TMEM132D: variants seen among roughly 807,000 people sequenced by gnomAD.
TMEM132D encodes mature OL transmembrane protein.
Under a neutral mutation model 62.3 loss-of-function variants are expected in TMEM132D, and 21 were observed. That is an observed-to-expected ratio of 0.34 (90% CI 0.24 to 0.49). The LOEUF is 0.49. TMEM132D is among the 20% of genes least tolerant of loss of function. The pLI is 0.99. For missense variants in TMEM132D, 1,346 were observed against 1,402.8 expected (o/e 0.96, Z 0.65); for synonymous variants, 621 against 575.6 (o/e 1.08, Z -1.13).
intron 1 of TMEM132D, among the ~76,000 whole-genome samples, chr12:129,743,607 G>A (rs1015299611): frequency 6.7e-6 from 1 of 148,682 alleles, no homozygotes; most frequent in Non-Finnish European, 1.5e-5. Context: ...ATGGACTAAT[G>A]CATCCCCCTA....
chr12:129,895,471 G>A (rs958847192), intron 1 of TMEM132D, among the ~76,000 whole-genome samples: 5 of 152,188 alleles, frequency 3.3e-5, no homozygotes, highest in African/African-American at 9.7e-5. Context: ...GTCTCCTGTG[G>A]TCAGTCCACA....
intron 5 of TMEM132D, among the ~76,000 whole-genome samples, chr12:129,086,196 G>A (rs943381209): frequency 8.9e-4 from 99 of 111,636 alleles, no homozygotes; most frequent in Non-Finnish European, 1.5e-3. Flanking sequence ...ATAGTCACGC[G>A]CGCGCGTGTG....
intron 5 of TMEM132D, among the ~76,000 whole-genome samples, chr12:129,099,469 C>T (rs1300506633): frequency 1.3e-5 from 2 of 152,216 alleles, no homozygotes; most frequent in African/African-American, 2.4e-5. Context: ...AAACCTCCCA[C>T]CTATGCTCCT....
At chr12:129,215,907 C>G (rs936438187) in intron 4 of TMEM132D, among the ~76,000 whole-genome samples, 4 of 152,164 alleles carry the variant, frequency 2.6e-5, no homozygotes, top group African/African-American at 9.7e-5. Context: ...ATCATCAGAT[C>G]TCCTGAGACT....
intron 3 of TMEM132D, among the ~76,000 whole-genome samples, chr12:129,428,375 G>A (rs555711649): frequency 4.6e-5 from 7 of 152,290 alleles, no homozygotes; most frequent in African/African-American, 1.7e-4. Context: ...AAACCATCAA[G>A]GCTGGAGTGT....
At chr12:129,406,784 C>A (rs1351009220) in intron 3 of TMEM132D, among the ~76,000 whole-genome samples, 1 of 152,160 alleles carries the variant, frequency 6.6e-6, no homozygotes, top group East Asian at 1.9e-4. Flanking sequence ...GGATGGCAGC[C>A]CTGCGCCTCC....
At chr12:129,702,150 C>T (rs1192647721) in intron 1 of TMEM132D, among the ~76,000 whole-genome samples, 1 of 152,118 alleles carries the variant, frequency 6.6e-6, no homozygotes, top group African/African-American at 2.4e-5. Context: ...ACAGAAAGCC[C>T]TGGATGAAAA....
At chr12:129,130,449 C>A (rs944020916) in intron 5 of TMEM132D, among the ~76,000 whole-genome samples, 2 of 152,200 alleles carry the variant, frequency 1.3e-5, no homozygotes, top group Non-Finnish European at 2.9e-5. Flanking sequence ...TGGAGGAACC[C>A]AAGCGCACTC....
chr12:129,676,906 C>A (rs921364749), intron 2 of TMEM132D, among the ~76,000 whole-genome samples: 2 of 152,186 alleles, frequency 1.3e-5, no homozygotes, highest in African/African-American at 4.8e-5. Flanking sequence ...TCCATCCACC[C>A]ATCTACCTAT....
At chr12:129,654,228 T>C (rs913868586) in intron 2 of TMEM132D, among the ~76,000 whole-genome samples, 3 of 152,126 alleles carry the variant, frequency 2.0e-5, no homozygotes, top group Admixed American at 6.6e-5. Flanking sequence ...CTCTCAGACA[T>C]GTTCCCATCA....
At chr12:129,185,773 G>GTCTATCTATCTATCTATCTA (rs1555235284) in intron 5 of TMEM132D, among the ~76,000 whole-genome samples, 75 of 136,018 alleles carry the variant, frequency 5.5e-4, no homozygotes, top group Middle Eastern at 3.6e-3. Flanking sequence ...CTGTCTGTCT[G>GTCTATCTATCTATCTATCTA]TCTATCTATC....
intron 5 of TMEM132D, among the ~76,000 whole-genome samples, chr12:129,128,755 C>T (rs1414706685): frequency 2.0e-5 from 3 of 152,072 alleles, no homozygotes; most frequent in African/African-American, 7.2e-5. Flanking sequence ...TCCCATCCTG[C>T]CCCCACCCTT....
At position 129,867,951 on chromosome 12, in the gene TMEM132D, G is replaced by C. The variant is rs147389900; in HGVS notation, c.79+35310C>G. The stretch of plus-strand genomic sequence containing the variant: ...GTTTCTATGGTACACACGAGGCAGT[G>C]TTTCTATGGTACACATGAGACAGCA... On this transcript the variant is annotated intron_variant, in intron 1 of 8. Transcript: ENST00000422113. The surrounding 1 kb of genome is among the most constrained non-coding windows in gnomAD (Gnocchi z 4.5). Among the ~76,000 whole-genome samples the C allele has an allele frequency of 1.6e-3, 241 of 152,252 alleles. No homozygotes were observed. The highest frequency in any genetic ancestry group is 5.5e-3 in the African/African-American group (227 of 41,554).
intron 1 of TMEM132D, among the ~76,000 whole-genome samples, chr12:129,896,148 T>G (rs1389705938): frequency 1.3e-5 from 2 of 151,514 alleles, no homozygotes; most frequent in Non-Finnish European, 2.9e-5. Flanking sequence ...TTTTTTTGTT[T>G]TGTTTTGTTT....
intron 5 of TMEM132D, among the ~76,000 whole-genome samples, chr12:129,207,210 C>T (rs1045604090): frequency 1.3e-5 from 2 of 151,900 alleles, no homozygotes; most frequent in African/African-American, 2.4e-5. Context: ...CAGCACCGCC[C>T]TCACGGAGCT....
At chr12:129,815,374 T>G (rs998397358) in intron 1 of TMEM132D, among the ~76,000 whole-genome samples, 8 of 152,066 alleles carry the variant, frequency 5.3e-5, no homozygotes, top group African/African-American at 1.7e-4. Flanking sequence ...AATAAATAAG[T>G]AATTCCCTGC....
At chr12:129,607,257 T>G in intron 2 of TMEM132D, among the ~76,000 whole-genome samples, 1 of 152,176 alleles carries the variant, frequency 6.6e-6, no homozygotes, top group Non-Finnish European at 1.5e-5. Context: ...GTAGGATCTC[T>G]GGGAGCCTGG....
chr12:129,704,511 T>C (rs1881457158), intron 1 of TMEM132D, among the ~76,000 whole-genome samples: 1 of 152,160 alleles, frequency 6.6e-6, no homozygotes, highest in Non-Finnish European at 1.5e-5. Flanking sequence ...GGCAGGAGGT[T>C]TGACATAGCC....
Position 129,078,641 on chromosome 12 carries a change from C to T in TMEM132D, c.2008G>A (p.Val670Met), listed in dbSNP as rs201237057. 2 of 1,614,190 alleles carry T rather than the reference C, an allele frequency of 1.2e-6. No homozygotes were observed. Among genetic ancestry groups the T allele is most frequent in the East Asian group, 2.2e-5 (1 of 44,874 alleles). ...AGTGACAGCCCTGTCACCAGCTGCA[C>T]CCCGAGGTCTGTGATGGTCACCTTC... Reference protein sequence around the residue: ...DEKVTITDLGVQLVTGLSLSL... With the variant: ...DEKVTITDLGMQLVTGLSLSL... Residue 670 changes from valine (V) to methionine (M), a missense_variant, in exon 8 of 9, where the codon GTG (valine) becomes ATG (methionine). Val to Met is a conservative substitution (Grantham distance 21, BLOSUM62 1). Transcript: ENST00000422113.
Sources: allele counts gnomAD v4.1 joint callset (sites outside exome capture counted in the v4.1 genomes callset), GRCh38; gene constraint gnomAD v4.1.1; non-coding constraint Gnocchi (gnomAD v3.1); transcripts MANE v1.5; gene names NCBI Gene and HGNC (gene_info 2026-07-23, HGNC 2026-07-21).